Variants in CNBD2 observed in about 807,000 individuals in gnomAD.
CNBD2 encodes the protein cyclic nucleotide binding domain containing 2, also known as cyclic nucleotide-binding domain-containing protein 2.
CNBD2 carries 64 observed loss-of-function variants against 63.7 expected under a neutral mutation model. The observed-to-expected ratio is 1.00, with a 90% confidence interval of 0.82 to 1.24. The LOEUF (loss-of-function observed/expected upper bound fraction) is 1.24, where lower values mean the gene tolerates loss of function less well. Among genes scored for constraint, CNBD2 ranks in the 50% most tolerant of loss-of-function variants. The probability of loss-of-function intolerance (pLI) is 0.00; values close to 1 mark genes in which losing one functional copy is unlikely to be tolerated. For missense variants in CNBD2, 691 were observed against 713.5 expected (o/e 0.97, Z 0.36); for synonymous variants, 229 against 255.4 (o/e 0.90, Z 0.99).
At chr20:36,012,779 G>T (rs1405123537) in intron 10 of CNBD2, among the ~76,000 whole-genome samples, 9 of 137,958 alleles carry the variant, frequency 6.5e-5, no homozygotes, top group African/African-American at 2.5e-4. Context: ...CTGAGATCGC[G>T]CCATTGCACT....
rs200885142 is a variant in CNBD2, at chr20:35,983,989, C to T, written c.415C>T (p.Arg139Cys). The T allele has an allele frequency of 1.9e-5, 30 of 1,614,150 alleles. No individual in the cohort carries two copies. The African/African-American group carries it at 2.3e-4, about 12-fold the overall frequency. ...GCAGTGGTCTTTTCCCAGGTTTGGT[C>T]GCAGGCGTGTGATCATCAAGAAGGG... is the stretch of plus-strand genomic sequence containing the variant. ...AKVMRFERFG[R>C]RRVIIKKGQK... The change falls in exon 5 of 12, where the codon CGC becomes TGC. Residue 139 changes from arginine to cysteine, a missense_variant. Physicochemically the swap from Arg to Cys is radical, Grantham distance 180 (BLOSUM62 -3). Coordinates refer to ENST00000373973, the MANE Select transcript of CNBD2 (RefSeq NM_001365709.1).
chr20:35,984,030 C>A lies in CNBD2; in HGVS notation c.456C>A (p.Ser152Arg). 6.2e-7 allele frequency: 1 copy of A among 1,614,214 alleles called. No homozygotes were observed. Among genetic ancestry groups the A allele is most frequent in the Non-Finnish European group, 8.5e-7 (1 of 1,180,042 alleles). The change falls in exon 5 of 12, where the codon AGC (serine) becomes AGA (arginine). Residue 152 changes from serine to arginine, a missense_variant. Physicochemically the swap from Ser to Arg is moderately radical, Grantham distance 110. Transcript: ENST00000373973. ...TCAAGAAGGGGCAGAAGGGCAACAG[C>A]TTTTATTTCATCTACCTGGGCACAG... ...VIIKKGQKGN[S>R]FYFIYLGTVA...
At chr20:35,991,575 G>GA (rs1196195761) in intron 7 of CNBD2, among the ~76,000 whole-genome samples, 2 of 152,080 alleles carry the variant, frequency 1.3e-5, no homozygotes, top group African/African-American at 4.8e-5. Flanking sequence ...TAAGCTCTTT[G>GA]ATACTATATA....
At chr20:35,965,110 A>G (rs916709432), upstream of CNBD2, among the ~76,000 whole-genome samples, 1 of 151,864 alleles carries the variant, frequency 6.6e-6, no homozygotes, top group Non-Finnish European at 1.5e-5. Context: ...TCACCTTCAT[A>G]TGCTTTGTAA....
intron 9 of CNBD2, among the ~76,000 whole-genome samples, chr20:36,010,078 T>TG (rs2057038445): frequency 1.3e-5 from 2 of 152,106 alleles, no homozygotes; most frequent in African/African-American, 4.8e-5. Context: ...AGATGCACAT[T>TG]GGGGTGCTGT....
intron 10 of CNBD2, among the ~76,000 whole-genome samples, chr20:36,022,197 T>TATTC (rs2057222372): frequency 9.4e-6 from 1 of 105,880 alleles, no homozygotes; most frequent in African/African-American, 5.8e-5. Flanking sequence ...TTTTTTTTCT[T>TATTC]TTTTTTTTTT....
At chr20:35,986,121 C>A (rs1282399827) in intron 6 of CNBD2, among the ~76,000 whole-genome samples, 1 of 152,154 alleles carries the variant, frequency 6.6e-6, no homozygotes, top group African/African-American at 2.4e-5. Context: ...CAAGTGAAAT[C>A]TCATTTAATT....
chr20:35,960,538 A>T lies in CNBD2; in HGVS notation c.228+2764A>T, dbSNP rs1390301903. ...TTTTGTTTGTTTGTTTGTTTTATAG[A>T]GACAGGGTCTCGCTATGTTGCCCAG... On this transcript the variant is annotated intron_variant, in intron 2 of 4. Transcript: ENST00000622112. 3.9e-5 allele frequency among the ~76,000 whole-genome samples: 6 copies of T among 152,172 alleles called. No homozygotes were observed. The East Asian group carries it at 1.2e-3, about 29-fold the overall frequency.
intron 8 of CNBD2, among the ~76,000 whole-genome samples, chr20:36,007,189 A>AAAAT (rs553581625): frequency 0.024 from 3,672 of 151,708 alleles, 128 homozygotes; most frequent in African/African-American, 0.076. Flanking sequence ...AATCCTCTCA[A>AAAAT]AAATAAATAA....
chr20:36,023,257 G>A (rs1055267662), intron 10 of CNBD2, among the ~76,000 whole-genome samples: 4 of 152,182 alleles, frequency 2.6e-5, no homozygotes, highest in African/African-American at 4.8e-5. Flanking sequence ...GGGCACGGTG[G>A]CTCACGCCTG....
chr20:36,024,734 G>GT (rs2057262916), intron 11 of CNBD2, among the ~76,000 whole-genome samples: 1 of 151,800 alleles, frequency 6.6e-6, no homozygotes, highest in African/African-American at 2.4e-5. Context: ...TTTAAGACCA[G>GT]CTGGCCAACA....
At chr20:35,992,742 C>T (rs2056763418) in intron 7 of CNBD2, among the ~76,000 whole-genome samples, 1 of 151,672 alleles carries the variant, frequency 6.6e-6, no homozygotes, top group Non-Finnish European at 1.5e-5. Flanking sequence ...TGGTACAGCA[C>T]CCCCTCCCCC....
At chr20:36,021,085 C>T (rs1255050539) in intron 10 of CNBD2, among the ~76,000 whole-genome samples, 1 of 152,130 alleles carries the variant, frequency 6.6e-6, no homozygotes, top group East Asian at 1.9e-4. Context: ...ATTTCACAGG[C>T]GAGCAATGGC....
At chr20:36,026,095 T>G (rs1013097506) in intron 11 of CNBD2, among the ~76,000 whole-genome samples, 3 of 152,038 alleles carry the variant, frequency 2.0e-5, no homozygotes, top group Non-Finnish European at 4.4e-5. Context: ...ATGCTGTGGC[T>G]GAATCTCAAC....
chr20:35,994,531 T>C (rs2056794435), intron 7 of CNBD2, among the ~76,000 whole-genome samples: 1 of 151,216 alleles, frequency 6.6e-6, no homozygotes, highest in African/African-American at 2.4e-5. Flanking sequence ...TTATGCTTCT[T>C]CAGTTACTTG....
exon 1 of CNBD2, chr20:35,954,801 T>G: frequency 2.8e-6 from 1 of 357,840 alleles, no homozygotes; most frequent in Non-Finnish European, 5.5e-6. Context: ...TGATGAGCTG[T>G]AGCTCTGATG....
intron 11 of CNBD2, among the ~76,000 whole-genome samples, chr20:36,028,675 T>G (rs962282126): frequency 8.6e-5 from 13 of 151,968 alleles, no homozygotes; most frequent in South Asian, 2.1e-4. Context: ...CTTAAGGGCG[T>G]CACGGGCTGG....
At chr20:36,015,504 G>A (rs1302355998) in intron 10 of CNBD2, among the ~76,000 whole-genome samples, 1 of 152,086 alleles carries the variant, frequency 6.6e-6, no homozygotes, top group Non-Finnish European at 1.5e-5. Context: ...AAAGGAACAA[G>A]GGCTCTTTGG....
chr20:35,976,568 T>TTAC (rs2056522136), intron 3 of CNBD2, among the ~76,000 whole-genome samples: 1 of 152,108 alleles, frequency 6.6e-6, no homozygotes, highest in Non-Finnish European at 1.5e-5. Context: ...CCAGTCTGGG[T>TTAC]GATAGAGCGA....
Sources: allele counts gnomAD v4.1 joint callset (sites outside exome capture counted in the v4.1 genomes callset), GRCh38; gene constraint gnomAD v4.1.1; transcripts MANE v1.5; gene names NCBI Gene and HGNC (gene_info 2026-07-23, HGNC 2026-07-21).